The following KAT7 variants were observed in gnomAD, a reference collection of about 807,000 sequenced individuals.
The protein encoded by KAT7 is lysine acetyltransferase 7.
Under a neutral mutation model 82.1 loss-of-function variants are expected in KAT7, and 10 were observed. The observed-to-expected ratio is 0.12, with a 90% CI of 0.08 to 0.21. The LOEUF is 0.21. Among genes scored for constraint, KAT7 ranks in the 10% least tolerant of loss-of-function variants. KAT7 has a pLI of 1.00. For missense variants in KAT7, 378 were observed against 760.9 expected (o/e 0.50, Z 5.92); for synonymous variants, 250 against 262.5 (o/e 0.95, Z 0.46).
chr17:49,825,042 G>A (rs1197920950), intron 12 of KAT7, among the ~76,000 whole-genome samples: 2 of 151,624 alleles, frequency 1.3e-5, no homozygotes, highest in African/African-American at 4.9e-5. Flanking sequence ...ATTGATAGTG[G>A]GATTGAGAAA....
chr17:49,804,791 A>G (rs1402892431), intron 4 of KAT7, among the ~76,000 whole-genome samples: 1 of 152,216 alleles, frequency 6.6e-6, no homozygotes, highest in Non-Finnish European at 1.5e-5. Context: ...ATCTGATTAT[A>G]GAAGAATCCT....
chr17:49,796,678 A>T lies in KAT7; in HGVS notation c.164-72A>T, dbSNP rs867547718. The T allele has an allele frequency of 2.9e-5, 36 of 1,239,100 alleles. No individual in the cohort carries two copies. The African/African-American group carries it at 4.7e-4, about 16-fold the overall frequency. 76.8% of individuals were successfully genotyped at this position (1,239,100 alleles called of 1,614,324 possible). A position where few individuals can be genotyped will look rare whatever the true frequency, so the allele number is the denominator to read the frequency against. ...GAAGAGGAGGAGGAGCGATATTCTG[A>T]TAAATTATATGGATAGGAAGTAAAA... is the stretch of plus-strand genomic sequence containing the variant. On this transcript the variant is annotated intron_variant, in intron 2 of 14. Transcript: ENST00000259021.
At position 49,809,110 on chromosome 17, in the gene KAT7, T is replaced by C; in HGVS notation, c.664-9T>C. 6.2e-7 allele frequency: 1 copy of C among 1,611,448 alleles called. No homozygotes were observed. Among genetic ancestry groups the C allele is most frequent in the Non-Finnish European group, 8.5e-7 (1 of 1,177,758 alleles). ...CAGGTGGATTTATTGACGTTGTTGA[T>C]GGTTGCAGGTGAGAGCACAGAGCCG... On this transcript the variant is annotated splice_polypyrimidine_tract_variant and intron_variant, in intron 5 of 14. Coordinates refer to ENST00000259021, the MANE Select transcript of KAT7 (RefSeq NM_007067.5).
chr17:49,800,322 T>C (rs936289433), intron 4 of KAT7, among the ~76,000 whole-genome samples: 5 of 152,174 alleles, frequency 3.3e-5, no homozygotes, highest in Non-Finnish European at 7.3e-5. Flanking sequence ...TTTCCTGGTC[T>C]TACAGCAGTT....
At position 49,834,808 on chromosome 17, in the gene KAT7, C is replaced by G. The variant is rs145315151; in HGVS notation, c.*7306C>G. 1 of 152,198 alleles carries G rather than the reference C, an allele frequency of 6.6e-6. No individual in the cohort carries two copies. Among genetic ancestry groups the G allele is most frequent in the East Asian group, 1.9e-4 (1 of 5,170 alleles). The allele number at this position is 152,198 out of a possible 1,614,324, so 9.4% of individuals were successfully genotyped here. On this transcript the variant is annotated 3_prime_UTR_variant, in exon 15 of 15. Coordinates refer to ENST00000259021, the MANE Select transcript of KAT7 (RefSeq NM_007067.5). The stretch of plus-strand genomic sequence containing the variant: ...GGAGGATCACTTGAGCCCAGGAGTT[C>G]GAGACCAGCCTGGGCAACATAGGGA...
chr17:49,819,116 C>T (rs1231624447), intron 9 of KAT7, among the ~76,000 whole-genome samples: 3 of 152,086 alleles, frequency 2.0e-5, no homozygotes, highest in Non-Finnish European at 4.4e-5. Context: ...TTTTTTATTT[C>T]CCAGGATTTC....
At chr17:49,819,152 G>A (rs1171924366) in intron 9 of KAT7, among the ~76,000 whole-genome samples, 1 of 152,054 alleles carries the variant, frequency 6.6e-6, no homozygotes, top group Non-Finnish European at 1.5e-5. Context: ...TATGACCCAG[G>A]TTTCCTGTGA....
intron 6 of KAT7, among the ~76,000 whole-genome samples, chr17:49,810,556 C>T (rs1255620820): frequency 6.6e-6 from 1 of 152,178 alleles, no homozygotes; most frequent in Non-Finnish European, 1.5e-5. Context: ...GGTGCCCAAC[C>T]TTGGGTTTTA....
At chr17:49,822,165 T>G (rs1487784287) in intron 11 of KAT7, among the ~76,000 whole-genome samples, 1 of 152,158 alleles carries the variant, frequency 6.6e-6, no homozygotes, top group Non-Finnish European at 1.5e-5. Flanking sequence ...ATTGTTTAGC[T>G]GGGCTCCTTC....
intron 11 of KAT7, 73 bp downstream of exon 11, chr17:49,821,863 A>G: frequency 1.4e-6 from 2 of 1,383,850 alleles, no homozygotes; most frequent in South Asian, 2.3e-5. Flanking sequence ...GGGGGCTCAA[A>G]TCACTGACAG....
intron 7 of KAT7, among the ~76,000 whole-genome samples, chr17:49,813,251 C>T (rs2074192263): frequency 6.6e-6 from 1 of 151,990 alleles, no homozygotes; most frequent in South Asian, 2.1e-4. Flanking sequence ...GGTTAGCTCC[C>T]ACTTATAAGT....
At chr17:49,790,795 A>G (rs1195638475) in intron 1 of KAT7, among the ~76,000 whole-genome samples, 2 of 152,200 alleles carry the variant, frequency 1.3e-5, no homozygotes, top group Non-Finnish European at 2.9e-5. Context: ...ATCCAAAACA[A>G]TTACAAATTC....
intron 3 of KAT7, 140 bp downstream of exon 3, chr17:49,797,066 CTT>C (rs374837770): frequency 0.025 from 12,197 of 494,354 alleles, no homozygotes; most frequent in South Asian, 0.036. Flanking sequence ...TTTCTTATGT[CTT>C]TTTTTTTTTT....
At chr17:49,822,735 C>T (rs1313078810) in intron 11 of KAT7, among the ~76,000 whole-genome samples, 2 of 152,100 alleles carry the variant, frequency 1.3e-5, no homozygotes, top group African/African-American at 4.8e-5. Context: ...GTTCTTCTTT[C>T]TCTATAAATT....
chr17:49,791,789 G>A (rs1208949057), intron 1 of KAT7, 97 bp from the exon 2 acceptor site: 18 of 1,211,322 alleles, frequency 1.5e-5, no homozygotes, highest in Non-Finnish European at 1.9e-5. Flanking sequence ...GTTTGAACTT[G>A]GGGTTTTCAG....
chr17:49,822,602 G>A (rs1000710679), intron 11 of KAT7, among the ~76,000 whole-genome samples: 5 of 151,956 alleles, frequency 3.3e-5, no homozygotes, highest in Admixed American at 2.6e-4. Context: ...ATAAATTCAC[G>A]CACTGAAAGG....
intron 7 of KAT7, chr17:49,815,243 A>G (rs1297291368): frequency 6.6e-6 from 1 of 152,262 alleles, no homozygotes; most frequent in Non-Finnish European, 1.5e-5. Context: ...TTTTGCAGAC[A>G]GCATAATGGT....
chr17:49,793,513 T>C (rs147445706), intron 2 of KAT7, among the ~76,000 whole-genome samples: 95 of 151,630 alleles, frequency 6.3e-4, no homozygotes, highest in African/African-American at 2.2e-3. Context: ...CAGGTGATAA[T>C]AGATGAAGGG....
chr17:49,827,285 C>T (rs1489469363), intron 14 of KAT7, 116 bp from the exon 15 acceptor site: 2 of 657,728 alleles, frequency 3.0e-6, no homozygotes, highest in Admixed American at 2.5e-5. Context: ...TTTTTGATAC[C>T]CTAATATGTT....
Sources: gnomAD v4.1 joint callset for allele counts (sites outside exome capture counted in the v4.1 genomes callset) on GRCh38, gnomAD v4.1.1 for gene constraint, MANE v1.5 for transcripts, NCBI Gene and HGNC (gene_info 2026-07-23, HGNC 2026-07-21) for gene names.